Variants in PLCB1 observed in about 807,000 individuals in gnomAD.
PLCB1 encodes 1-phosphatidylinositol 4,5-bisphosphate phosphodiesterase beta-1.
In PLCB1, 46 loss-of-function variants were observed where a neutral mutation model predicts 161.8. The ratio of observed to expected loss-of-function variants is 0.28; its 90% CI spans 0.22 to 0.36. The LOEUF is 0.36. Ranked by LOEUF, PLCB1 falls within the 10% of genes least tolerant of loss-of-function variation. PLCB1 has a pLI of 1.00. For missense variants in PLCB1, 1,016 were observed against 1,472.5 expected (o/e 0.69, Z 5.07); for synonymous variants, 517 against 503.7 (o/e 1.03, Z -0.35).
chr20:8,382,238 G>T (rs1220545176), intron 3 of PLCB1, among the ~76,000 whole-genome samples: 14 of 147,578 alleles, frequency 9.5e-5, no homozygotes, highest in African/African-American at 3.2e-4. Context: ...GGAGCAGGTT[G>T]TTCAATTTCC....
intron 3 of PLCB1, among the ~76,000 whole-genome samples, chr20:8,399,146 T>C (rs745583586): frequency 5.3e-5 from 8 of 152,026 alleles, no homozygotes; most frequent in Non-Finnish European, 7.4e-5. Flanking sequence ...CTTGGAGGTT[T>C]TTTTTGTTTG....
At chr20:8,389,216 G>C (rs983988670) in intron 3 of PLCB1, among the ~76,000 whole-genome samples, 16 of 152,310 alleles carry the variant, frequency 1.1e-4, no homozygotes, top group African/African-American at 3.6e-4. Flanking sequence ...AGTTAAATCT[G>C]CATGTTTAGG....
rs558080799 is a variant in PLCB1 at position 8,485,871 on chromosome 20, T to A, written c.246+114421T>A. Among the ~76,000 whole-genome samples the A allele has an allele frequency of 2.0e-5, 3 of 152,112 alleles. 1 individual carries two copies. The South Asian group carries it at 6.3e-4, about 32-fold the overall frequency. On this transcript the variant is annotated intron_variant, in intron 3 of 31. Coordinates refer to ENST00000338037, the MANE Select transcript of PLCB1 (RefSeq NM_015192.4). ...GAAACCCTCCCTCAATCTTGGAGGG[T>A]GTATTAGTCTGTTCTCACGCTGCTA...
intron 3 of PLCB1, among the ~76,000 whole-genome samples, chr20:8,591,853 A>G (rs776112386): frequency 2.6e-5 from 4 of 152,198 alleles, no homozygotes; most frequent in Non-Finnish European, 5.9e-5. Context: ...GCCATCCCAA[A>G]TATTACAGTA....
chr20:8,733,341 A>G lies in PLCB1; in HGVS notation c.1992A>G (p.Pro664=), dbSNP rs2123500955. 11 of 1,614,044 alleles carry G rather than the reference A, an allele frequency of 6.8e-6. No individual in the cohort carries two copies. Among genetic ancestry groups the G allele is most frequent in the East Asian group, 2.2e-5 (1 of 44,864 alleles). The change falls in exon 19 of 32, where the codon CCA becomes CCG. Residue 664 remains proline, a synonymous_variant. Transcript: ENST00000338037. ...GGAGGCCTGACAAGCATTTTGATCC[A>G]TTTACTGAAGGCATCGTAGATGGGA... ...FMRRPDKHFD[P]FTEGIVDGIV... is the part of the protein sequence containing the mutation.
At chr20:8,313,156 T>C (rs1400233231) in intron 2 of PLCB1, among the ~76,000 whole-genome samples, 2 of 152,160 alleles carry the variant, frequency 1.3e-5, no homozygotes, top group Non-Finnish European at 2.9e-5. Flanking sequence ...CAATAGAAGA[T>C]AACTATATCA....
intron 23 of PLCB1, among the ~76,000 whole-genome samples, chr20:8,746,152 A>C (rs1981160293): frequency 6.6e-6 from 1 of 152,110 alleles, no homozygotes; most frequent in African/African-American, 2.4e-5. Flanking sequence ...GGCTCTTCTC[A>C]AACTCCTGAC....
intron 31 of PLCB1, among the ~76,000 whole-genome samples, chr20:8,801,113 C>T (rs979581017): frequency 6.6e-6 from 1 of 152,150 alleles, no homozygotes; most frequent in African/African-American, 2.4e-5. Context: ...ACTTTTGCTG[C>T]ATTTTTTCTT....
At chr20:8,355,830 G>A (rs1986347383) in intron 2 of PLCB1, among the ~76,000 whole-genome samples, 1 of 152,016 alleles carries the variant, frequency 6.6e-6, no homozygotes, top group Non-Finnish European at 1.5e-5. Context: ...CACCTTAAAT[G>A]GTTTAATAAT....
intron 23 of PLCB1, among the ~76,000 whole-genome samples, chr20:8,754,275 C>G (rs1981627041): frequency 6.6e-6 from 1 of 151,570 alleles, no homozygotes; most frequent in Admixed American, 6.6e-5. Flanking sequence ...CTTGGTTTCC[C>G]AAGGGCATAC....
chr20:8,840,091 TG>T (rs1413547498), intron 31 of PLCB1, among the ~76,000 whole-genome samples: 2 of 152,054 alleles, frequency 1.3e-5, no homozygotes, highest in Non-Finnish European at 2.9e-5. Context: ...ATTTATATGT[TG>T]TTTTTTTCTC....
At chr20:8,187,199 A>G (rs1196062979) in intron 2 of PLCB1, among the ~76,000 whole-genome samples, 1 of 151,904 alleles carries the variant, frequency 6.6e-6, no homozygotes, top group Non-Finnish European at 1.5e-5. Context: ...CTATTTTCCA[A>G]TTGCCTTCTG....
At chr20:8,221,842 T>C (rs1979429184) in intron 2 of PLCB1, among the ~76,000 whole-genome samples, 1 of 152,132 alleles carries the variant, frequency 6.6e-6, no homozygotes, top group African/African-American at 2.4e-5. Context: ...CCCTGTACAT[T>C]TACCTATACT....
intron 12 of PLCB1, among the ~76,000 whole-genome samples, chr20:8,710,589 A>C (rs755032820): frequency 2.4e-4 from 32 of 131,096 alleles, no homozygotes; most frequent in Non-Finnish European, 4.4e-4. Context: ...ATCCTGGTTC[A>C]CTGCAACCTC....
intron 23 of PLCB1, among the ~76,000 whole-genome samples, chr20:8,747,055 A>G (rs563190062): frequency 6.6e-6 from 1 of 152,320 alleles, no homozygotes; most frequent in South Asian, 2.1e-4. Flanking sequence ...AACCTTTAGC[A>G]AGGATGGGCC....
intron 4 of PLCB1, among the ~76,000 whole-genome samples, chr20:8,645,301 CAATAAAAAAA>C (rs1003602690): frequency 3.1e-5 from 4 of 129,050 alleles, no homozygotes; most frequent in South Asian, 2.5e-4. Context: ...CAAGAATGAT[CAATAAAAAAA>C]AATAAAAAAA....
intron 11 of PLCB1, among the ~76,000 whole-genome samples, chr20:8,701,509 G>A (rs537982779): frequency 1.2e-4 from 18 of 152,048 alleles, no homozygotes; most frequent in Non-Finnish European, 2.5e-4. Context: ...CACTACTGAC[G>A]TAACCCCTGA....
chr20:8,685,156 G>A, intron 10 of PLCB1, 78 bp downstream of exon 10: 1 of 1,377,212 alleles, frequency 7.3e-7, no homozygotes, highest in South Asian at 1.2e-5. Context: ...TTGTTCGGAA[G>A]CTGAAGTGTG....
At chr20:8,401,432 A>T (rs1395418987) in intron 3 of PLCB1, among the ~76,000 whole-genome samples, 1 of 152,142 alleles carries the variant, frequency 6.6e-6, no homozygotes, top group Non-Finnish European at 1.5e-5. Context: ...TTATTTTGTG[A>T]TTTCTTCCAG....
Sources: gnomAD v4.1 joint callset for allele counts (sites outside exome capture counted in the v4.1 genomes callset) on GRCh38, gnomAD v4.1.1 for gene constraint, MANE v1.5 for transcripts, NCBI Gene and HGNC (gene_info 2026-07-23, HGNC 2026-07-21) for gene names.